Variants in XXYLT1 observed in about 807,000 individuals in gnomAD.
XXYLT1 encodes UDP-xylose:alpha-xyloside alpha-1,3-xylosyltransferase.
A neutral mutation model predicts 28.9 loss-of-function variants in XXYLT1; 20 were observed. The observed-to-expected ratio is 0.69, with a 90% CI of 0.49 to 1.00. The LOEUF (loss-of-function observed/expected upper bound fraction) is 1.00, where lower values mean the gene tolerates loss of function less well. Among genes scored for constraint, XXYLT1 ranks in the 50% least tolerant of loss-of-function variants. The pLI is 0.00. For missense variants in XXYLT1, 542 were observed against 560.1 expected, an observed-to-expected ratio of 0.97 and a Z score of 0.33; for synonymous variants, 257 against 253.8, an observed-to-expected ratio of 1.01 and a Z score of -0.12.
Position 195,169,184 on chromosome 3 carries a change from G to A in XXYLT1, c.653-12603C>T, listed in dbSNP as rs538852291. ...GGTCGCAGCAGTCCCTGCTGGCCGC[G>A]GCAACGCGCTTAGCAGAGCTGTCAT... On this transcript the variant is annotated intron_variant, in intron 2 of 3. Transcript: ENST00000310380. Among the ~76,000 whole-genome samples, 15 of 152,352 alleles carry A rather than the reference G, an allele frequency of 9.8e-5. No individual in the cohort carries two copies. The South Asian group carries it at 2.3e-3, about 23-fold the overall frequency.
rs1432181983 is a variant in XXYLT1, at chr3:195,124,168, G to A, written c.785+32281C>T. ...CCATGGAACTCACCTCGAGAAGTGT[G>A]GGTCTAGACCACAGCCCTCATTTTA... On this transcript the variant is annotated intron_variant, in intron 3 of 3. Transcript: ENST00000310380. This position sits in a 1 kb window ranked among gnomAD's most constrained non-coding sequence, Gnocchi z 4.1. Among the ~76,000 whole-genome samples, 1 of 152,214 alleles carries A rather than the reference G, an allele frequency of 6.6e-6. No individual in the cohort carries two copies. The highest frequency in any genetic ancestry group is 1.5e-5 in the Non-Finnish European group (1 of 68,034).
chr3:195,103,666 G>A (rs986331393), intron 3 of XXYLT1, among the ~76,000 whole-genome samples: 2 of 152,232 alleles, frequency 1.3e-5, no homozygotes, highest in African/African-American at 2.4e-5. Context: ...GTGCTGTTCT[G>A]TGAGACCTTT....
At position 195,143,851 on chromosome 3, in the gene XXYLT1, TATAG is replaced by T. The variant is rs1423211030; in HGVS notation, c.785+12594_785+12597del. 7.8e-5 allele frequency among the ~76,000 whole-genome samples: 8 copies of T among 103,070 alleles called. 1 individual carries two copies. In the South Asian group the frequency reaches 2.6e-3, roughly 34 times the overall value. The allele number at this position is 103,070 out of a possible 152,430, so 67.6% of individuals were successfully genotyped here. A position where few individuals can be genotyped will look rare whatever the true frequency, so the allele number is the denominator to read the frequency against. On this transcript the variant is annotated intron_variant, in intron 3 of 3. Transcript: ENST00000310380. Reference sequence around the variant, plus strand: ...ATATAGATATAGATATAGATATATATATAGATATATATAGATATAGATATATATA... The same window carrying T: ...ATATAGATATAGATATAGATATATATATATATATAGATATAGATATATATA...
chr3:195,242,129 G>A (rs141375882), intron 1 of XXYLT1, among the ~76,000 whole-genome samples: 44 of 152,302 alleles, frequency 2.9e-4, no homozygotes, highest in Admixed American at 4.6e-4. Context: ...GCAGAGAGGA[G>A]GGGCGATGGG....
chr3:195,257,352 C>T lies in XXYLT1; in HGVS notation c.504+13203G>A, dbSNP rs913086832. On this transcript the variant is annotated intron_variant, in intron 1 of 3. Coordinates refer to ENST00000310380, the MANE Select transcript of XXYLT1 (RefSeq NM_152531.5). This position sits in a 1 kb window ranked among gnomAD's most constrained non-coding sequence, Gnocchi z 4.3. ...GAAATAAGACACAGTGCTCATCCCC[C>T]AGCAGCTGGCAGAAGGGCCAGTGTC... 1.3e-5 allele frequency among the ~76,000 whole-genome samples: 2 copies of T among 152,198 alleles called. No homozygotes were observed. Among genetic ancestry groups the T allele is most frequent in the African/African-American group, 4.8e-5 (2 of 41,454 alleles).
intron 1 of XXYLT1, among the ~76,000 whole-genome samples, chr3:195,252,477 A>G (rs1056559067): frequency 1.3e-5 from 2 of 152,134 alleles, no homozygotes; most frequent in Non-Finnish European, 2.9e-5. Flanking sequence ...TAAAAAATAT[A>G]TCGTGAGAGG....
intron 3 of XXYLT1, among the ~76,000 whole-genome samples, chr3:195,116,141 G>A (rs1718032581): frequency 6.6e-6 from 1 of 152,148 alleles, no homozygotes; most frequent in Admixed American, 6.5e-5. Flanking sequence ...TAGGTGACAT[G>A]CACTATGAGA....
At chr3:195,096,994 C>T (rs371240456) in intron 3 of XXYLT1, among the ~76,000 whole-genome samples, 8 of 152,352 alleles carry the variant, frequency 5.3e-5, no homozygotes, top group African/African-American at 1.2e-4. Flanking sequence ...CTGCGCTGAG[C>T]GCTGGGCAAA....
chr3:195,245,684 G>C (rs1284280845), intron 1 of XXYLT1, among the ~76,000 whole-genome samples: 1 of 152,200 alleles, frequency 6.6e-6, no homozygotes, highest in African/African-American at 2.4e-5. Context: ...ACTGGGGCCT[G>C]GTGGGAGGTA....
chr3:195,242,169 C>T (rs928600779), intron 1 of XXYLT1, among the ~76,000 whole-genome samples: 2 of 152,170 alleles, frequency 1.3e-5, no homozygotes, highest in Admixed American at 6.5e-5. Flanking sequence ...AATGTTGCCC[C>T]GTGGCCCCGC....
chr3:195,220,254 G>A (rs969994300), intron 2 of XXYLT1, among the ~76,000 whole-genome samples: 53 of 152,230 alleles, frequency 3.5e-4, no homozygotes, highest in African/African-American at 1.2e-3. Flanking sequence ...CGATTCTCCC[G>A]CCTCAGCCTC....
chr3:195,230,116 C>T (rs1370336359), intron 1 of XXYLT1, among the ~76,000 whole-genome samples: 3 of 152,160 alleles, frequency 2.0e-5, no homozygotes, highest in Non-Finnish European at 4.4e-5. Flanking sequence ...GTTTGATTTG[C>T]ATTTTTCTGA....
At chr3:195,110,471 A>ATGTATAAGTGTGTGT (rs1560101136) in intron 3 of XXYLT1, among the ~76,000 whole-genome samples, 3,284 of 19,572 alleles carry the variant, frequency 0.17, 71 homozygotes, top group Middle Eastern at 0.42. Context: ...TGTGTGGGTG[A>ATGTATAAGTGTGTGT]GGTGTGTGTG....
intron 1 of XXYLT1, among the ~76,000 whole-genome samples, chr3:195,242,069 G>A (rs1029131745): frequency 2.6e-5 from 4 of 152,224 alleles, no homozygotes; most frequent in Non-Finnish European, 5.9e-5. Context: ...TTCCCATGCA[G>A]TGGAGGCTCT....
intron 3 of XXYLT1, among the ~76,000 whole-genome samples, chr3:195,088,161 C>T (rs1375863033): frequency 6.6e-6 from 1 of 151,374 alleles, no homozygotes. Flanking sequence ...AGCCGGGAAG[C>T]TCGAACTGGG....
chr3:195,106,933 C>A (rs539544609), intron 3 of XXYLT1, among the ~76,000 whole-genome samples: 43 of 152,252 alleles, frequency 2.8e-4, no homozygotes, highest in African/African-American at 1.0e-3. Context: ...GAGCCCTGGA[C>A]ATCGGGCCAA....
intron 2 of XXYLT1, among the ~76,000 whole-genome samples, chr3:195,164,065 G>C (rs534593077): frequency 1.3e-5 from 2 of 152,240 alleles, no homozygotes; most frequent in Non-Finnish European, 2.9e-5. Context: ...TGGGCAAAAG[G>C]TTACCCCCAA....
chr3:195,222,064 G>A (rs532010650), intron 2 of XXYLT1, among the ~76,000 whole-genome samples: 7 of 152,326 alleles, frequency 4.6e-5, no homozygotes, highest in Non-Finnish European at 1.0e-4. Context: ...CAAAACTCAT[G>A]GGTTTGACCA....
rs1168410218 is a variant in XXYLT1, at chr3:195,173,513, ACT to A, written c.653-16934_653-16933del. ...CTATGCACCTAAAAACGGACATGAA[ACT>A]CTATTTTTATTCACTGAATCGTATG... On this transcript the variant is annotated intron_variant, in intron 2 of 3. Transcript: ENST00000310380. This position sits in a 1 kb window ranked among gnomAD's most constrained non-coding sequence, Gnocchi z 4.3. 6.6e-6 allele frequency among the ~76,000 whole-genome samples: 1 copy of A among 152,022 alleles called. No homozygotes were observed. Among genetic ancestry groups the A allele is most frequent in the East Asian group, 1.9e-4 (1 of 5,182 alleles).
Sources: allele counts gnomAD v4.1 joint callset (sites outside exome capture counted in the v4.1 genomes callset), GRCh38; gene constraint gnomAD v4.1.1; non-coding constraint Gnocchi (gnomAD v3.1); transcripts MANE v1.5; gene names NCBI Gene and HGNC (gene_info 2026-07-23, HGNC 2026-07-21).